Variants in MYH10 observed in about 807,000 individuals in gnomAD.
MYH10 encodes myosin-10.
MYH10 carries 55 observed loss-of-function variants against 257.8 expected under a neutral mutation model. That is an observed-to-expected ratio of 0.21 (90% CI 0.17 to 0.27). MYH10 has a LOEUF of 0.27. Ranked by LOEUF, MYH10 falls within the 10% of genes least tolerant of loss-of-function variation. The pLI is 1.00. For synonymous variants in MYH10, 854 were observed against 921.7 expected, an observed-to-expected ratio of 0.93 and a Z score of 1.33; for missense variants, 1,631 against 2,500.6, an observed-to-expected ratio of 0.65 and a Z score of 7.42.
intron 21 of MYH10, among the ~76,000 whole-genome samples, chr17:8,517,034 G>A (rs2081491795): frequency 6.6e-6 from 1 of 152,146 alleles, no homozygotes; most frequent in South Asian, 2.1e-4. Context: ...CCAGCTACTC[G>A]GGAGGCTGAG....
At chr17:8,540,838 T>G (rs2082272226) in intron 14 of MYH10, among the ~76,000 whole-genome samples, 1 of 152,226 alleles carries the variant, frequency 6.6e-6, no homozygotes, top group African/African-American at 2.4e-5. Flanking sequence ...AAAGCAGTGA[T>G]GAAATGTAAT....
intron 14 of MYH10, among the ~76,000 whole-genome samples, chr17:8,537,956 C>T (rs1310790955): frequency 6.6e-6 from 1 of 152,202 alleles, no homozygotes; most frequent in Non-Finnish European, 1.5e-5. Context: ...GCTTGCCTGC[C>T]ACCAGCCCAC....
At chr17:8,476,194 T>C (rs1433270389) in intron 42 of MYH10, among the ~76,000 whole-genome samples, 2 of 152,174 alleles carry the variant, frequency 1.3e-5, no homozygotes, top group African/African-American at 2.4e-5. Context: ...AGCCTAGGAC[T>C]GTGTGATGGA....
intron 17 of MYH10, 94 bp downstream of exon 17, chr17:8,530,529 C>G: frequency 1.9e-6 from 1 of 528,866 alleles, no homozygotes; most frequent in Non-Finnish European, 3.2e-6. Flanking sequence ...TCTACCCCCG[C>G]CCTCCCCGGC....
At chr17:8,617,334 T>C (rs1237430808) in intron 2 of MYH10, among the ~76,000 whole-genome samples, 2 of 152,136 alleles carry the variant, frequency 1.3e-5, no homozygotes, top group Non-Finnish European at 2.9e-5. Flanking sequence ...TAGGTACCTC[T>C]CTGAGTTGAG....
chr17:8,506,029 G>A lies in MYH10; in HGVS notation c.3386+289C>T, dbSNP rs1290729527. 1.5e-5 allele frequency: 5 copies of A among 328,608 alleles called. No homozygotes were observed. The highest frequency in any genetic ancestry group is 7.9e-4 in the Middle Eastern group (1 of 1,260). The allele number at this position is 328,608 out of a possible 1,614,324, so 20.4% of individuals were successfully genotyped here. A position where few individuals can be genotyped will look rare whatever the true frequency, so the allele number is the denominator to read the frequency against. On this transcript the variant is annotated intron_variant, in intron 27 of 42. Coordinates refer to ENST00000360416, the MANE Select transcript of MYH10 (RefSeq NM_001256012.3). The surrounding 1 kb of genome is among the most constrained non-coding windows in gnomAD (Gnocchi z 5.0). ...CTACAGTTAATCTGTAATGTACAGA[G>A]ACCAAAACATTTGTTATAGTGAAAT...
Position 8,544,079 on chromosome 17 carries a change from G to A in MYH10, c.1431+1369C>T, listed in dbSNP as rs117383418. The stretch of plus-strand genomic sequence containing the variant: ...GATCTTTCCTTAGTGTATAAAGCCA[G>A]CCCATTCTTTATAATGGATGCATAG... On this transcript the variant is annotated intron_variant, in intron 13 of 42. Transcript: ENST00000360416. Among the ~76,000 whole-genome samples, 47 of 152,254 alleles carry A rather than the reference G, an allele frequency of 3.1e-4. No homozygotes were observed. In the East Asian group the frequency reaches 8.3e-3, roughly 27 times the overall value.
chr17:8,570,075 T>C (rs1382719762), intron 6 of MYH10, among the ~76,000 whole-genome samples: 1 of 152,176 alleles, frequency 6.6e-6, no homozygotes, highest in Non-Finnish European at 1.5e-5. Context: ...AACTTAAGCA[T>C]GGGGCACGTA....
chr17:8,584,840 T>A (rs1240367063), intron 4 of MYH10, among the ~76,000 whole-genome samples: 1 of 152,138 alleles, frequency 6.6e-6, no homozygotes, highest in Admixed American at 6.5e-5. Context: ...TGTATTTATT[T>A]TTTATTTATT....
At chr17:8,534,083 T>C (rs148800326) in intron 16 of MYH10, among the ~76,000 whole-genome samples, 3 of 152,236 alleles carry the variant, frequency 2.0e-5, no homozygotes, top group Middle Eastern at 3.4e-3. Context: ...CATATCCCAC[T>C]CTTAACACTG....
At chr17:8,617,061 A>G (rs535390895) in intron 2 of MYH10, among the ~76,000 whole-genome samples, 7 of 145,186 alleles carry the variant, frequency 4.8e-5, no homozygotes, top group Non-Finnish European at 7.6e-5. Flanking sequence ...AGCCATATGG[A>G]AAAAAAAAAA....
rs1916016406 is a variant in MYH10, at chr17:8,492,987, C to T, written c.4247G>A (p.Gly1416Glu). The T allele has an allele frequency of 6.2e-7, 1 of 1,613,784 alleles. No individual in the cohort carries two copies. Among genetic ancestry groups the T allele is most frequent in the South Asian group, 1.1e-5 (1 of 91,068 alleles). Reference protein sequence around the residue: ...DTKKKVDDDLGTIESLEEAKK... With the variant: ...DTKKKVDDDLETIESLEEAKK... ...GGCTTCTTCCAGACTTTCAATTGTT[C>T]CCAGGTCGTCATCTACTTTCTTCTT... Residue 1416 changes from glycine to glutamate, a missense_variant, in exon 33 of 43, where the codon GGA becomes GAA. Gly to Glu is a moderately conservative substitution (Grantham distance 98). Transcript: ENST00000360416.
Position 8,475,291 on chromosome 17 carries a change from A to C in MYH10, c.*513T>G. The C allele has an allele frequency of 6.5e-6, 1 of 153,192 alleles. No individual in the cohort carries two copies. The highest frequency in any genetic ancestry group is 1.5e-5 in the Non-Finnish European group (1 of 68,760). The allele number at this position is 153,192 out of a possible 1,614,324, so 9.5% of individuals were successfully genotyped here. A position where few individuals can be genotyped will look rare whatever the true frequency, so the allele number is the denominator to read the frequency against. On this transcript the variant is annotated 3_prime_UTR_variant, in exon 43 of 43. Coordinates refer to ENST00000360416, the MANE Select transcript of MYH10 (RefSeq NM_001256012.3). ...CCTTTCACAGTTTGCTCACTGAAAT[A>C]GCATTGATCATTATTTGAAGGAAAT... is the stretch of plus-strand genomic sequence containing the variant.
At chr17:8,540,203 T>C (rs1360359356) in intron 14 of MYH10, among the ~76,000 whole-genome samples, 3 of 152,100 alleles carry the variant, frequency 2.0e-5, no homozygotes, top group African/African-American at 7.2e-5. Context: ...GTTGGCCAGA[T>C]TGGTCTCGAC....
At chr17:8,514,015 A>T (rs2151885434) in intron 21 of MYH10, 121 bp from the exon 22 acceptor site, 1 of 871,886 alleles carries the variant, frequency 1.1e-6, no homozygotes, top group Non-Finnish European at 1.8e-6. Flanking sequence ...TGATTGCATC[A>T]ATCAAGTCCT....
chr17:8,479,023 C>T (rs578044061), intron 40 of MYH10, among the ~76,000 whole-genome samples: 2 of 152,308 alleles, frequency 1.3e-5, no homozygotes, highest in African/African-American at 4.8e-5. Context: ...TGAGCCAGCG[C>T]ACCCGGCCTG....
rs1295385970 is a variant in MYH10 at position 8,535,538 on chromosome 17, A to T, written c.1780-37T>A. 6.5e-7 allele frequency: 1 copy of T among 1,539,306 alleles called. No individual in the cohort carries two copies. On this transcript the variant is annotated intron_variant, in intron 15 of 42. Transcript: ENST00000360416. This position sits in a 1 kb window ranked among gnomAD's most constrained non-coding sequence, Gnocchi z 4.3. ...CAAAGCCAAAAGTGGTGAAATGGAG[A>T]ACACAAAACCAAATGCAAAAACAAA...
intron 1 of MYH10, chr17:8,623,512 AAG>A: frequency 4.4e-6 from 1 of 224,888 alleles, no homozygotes. Flanking sequence ...GGGCAAAAAA[AAG>A]AAAAGAAAAG....
chr17:8,540,763 T>C (rs1215541843), intron 14 of MYH10, among the ~76,000 whole-genome samples: 1 of 152,140 alleles, frequency 6.6e-6, no homozygotes, highest in Non-Finnish European at 1.5e-5. Context: ...TAGTCATCAA[T>C]AGTACTAATG....
Sources: allele counts gnomAD v4.1 joint callset (sites outside exome capture counted in the v4.1 genomes callset), GRCh38; gene constraint gnomAD v4.1.1; non-coding constraint Gnocchi (gnomAD v3.1); transcripts MANE v1.5; gene names NCBI Gene and HGNC (gene_info 2026-07-23, HGNC 2026-07-21).